The following KIAA0753 variants were observed in gnomAD, a reference collection of about 807,000 sequenced individuals.
KIAA0753 encodes KIAA0753.
In KIAA0753, 114 loss-of-function variants were observed where a neutral mutation model predicts 116.9. That is an observed-to-expected ratio of 0.98 (90% confidence interval 0.84 to 1.14). The LOEUF (loss-of-function observed/expected upper bound fraction) is 1.14, where lower values mean the gene tolerates loss of function less well. KIAA0753 is among the 50% of genes most tolerant of loss of function. KIAA0753 has a pLI of 0.00. For missense variants in KIAA0753, 1,156 were observed against 1,172.4 expected, an observed-to-expected ratio of 0.99 and a Z score of 0.20; for synonymous variants, 405 against 413.1, an observed-to-expected ratio of 0.98 and a Z score of 0.24.
intron 16 of KIAA0753, 52 bp from the exon 17 acceptor site, chr17:6,590,682 A>G: frequency 6.2e-7 from 1 of 1,604,510 alleles, no homozygotes; most frequent in Non-Finnish European, 8.5e-7. Flanking sequence ...GTTGGTGTCC[A>G]TTTTAGAGCT....
chr17:6,630,594 G>A (rs923849660), intron 2 of KIAA0753, among the ~76,000 whole-genome samples: 1 of 152,128 alleles, frequency 6.6e-6, no homozygotes, highest in African/African-American at 2.4e-5. Flanking sequence ...TTACCCTGTA[G>A]ACACACCTCC....
Sources: allele counts gnomAD v4.1 joint callset (sites outside exome capture counted in the v4.1 genomes callset), GRCh38; gene constraint gnomAD v4.1.1; transcripts MANE v1.5; gene names NCBI Gene and HGNC (gene_info 2026-07-23, HGNC 2026-07-21).